GAS7: variants seen among roughly 807,000 people sequenced by gnomAD.
The protein encoded by GAS7 is growth arrest specific 7.
A neutral mutation model predicts 71.1 loss-of-function variants in GAS7; 28 were observed. The ratio of observed to expected loss-of-function variants is 0.39; its 90% CI spans 0.29 to 0.54. GAS7 has a LOEUF of 0.54. Among genes scored for constraint, GAS7 ranks in the 20% least tolerant of loss-of-function variants. The pLI, the probability that GAS7 is intolerant of heterozygous loss-of-function variation, is 0.62. For missense variants in GAS7, 436 were observed against 627.8 expected, an observed-to-expected ratio of 0.69 and a Z score of 3.27; for synonymous variants, 258 against 245.8, an observed-to-expected ratio of 1.05 and a Z score of -0.46.
intron 2 of GAS7, among the ~76,000 whole-genome samples, chr17:10,007,901 CT>C (rs146707257): frequency 0.21 from 32,169 of 151,782 alleles, 4,095 homozygotes; most frequent in African/African-American, 0.37. Context: ...TTAATTCCAG[CT>C]CCCCCCCGCA....
chr17:9,943,884 G>A (rs987704713), intron 6 of GAS7, among the ~76,000 whole-genome samples: 1 of 152,136 alleles, frequency 6.6e-6, no homozygotes, highest in Non-Finnish European at 1.5e-5. Flanking sequence ...CAAAACTGAC[G>A]AAATAACAGC....
intron 5 of GAS7, among the ~76,000 whole-genome samples, chr17:9,955,419 T>C (rs8070035): frequency 0.079 from 12,108 of 152,312 alleles, 1,600 homozygotes; most frequent in African/African-American, 0.27. Flanking sequence ...AAGCAAATAA[T>C]GTGCCAGCCA....
rs2067422599 is a variant in GAS7, at chr17:9,911,040, G to A, written c.*6188C>T. On this transcript the variant is annotated 3_prime_UTR_variant, in exon 14 of 14. Transcript: ENST00000432992. The surrounding 1 kb of genome is among the most constrained non-coding windows in gnomAD (Gnocchi z 4.0). Reference sequence around the variant, plus strand: ...TTGCCGATGTGCTCGTGTCTGTGAAGGGGTTGCTTCCGGTCATCTCCTTCC... The same window carrying A: ...TTGCCGATGTGCTCGTGTCTGTGAAAGGGTTGCTTCCGGTCATCTCCTTCC... 4.3e-6 allele frequency: 1 copy of A among 233,120 alleles called. No individual in the cohort carries two copies. Among genetic ancestry groups the A allele is most frequent in the African/African-American group, 2.2e-5 (1 of 45,322 alleles). The allele number at this position is 233,120 out of a possible 1,614,324, so 14.4% of individuals were successfully genotyped here.
intron 1 of GAS7, among the ~76,000 whole-genome samples, chr17:10,072,105 C>T (rs1185781060): frequency 6.6e-6 from 1 of 152,074 alleles, no homozygotes; most frequent in African/African-American, 2.4e-5. Flanking sequence ...ATGAGAATCA[C>T]CTGAGAGCTT....
At chr17:10,131,597 G>A (rs528671172) in intron 1 of GAS7, among the ~76,000 whole-genome samples, 2 of 152,286 alleles carry the variant, frequency 1.3e-5, no homozygotes, top group East Asian at 3.9e-4. Context: ...ACTCCAGCCT[G>A]GACAACAGAG....
At chr17:10,040,348 G>A (rs981940601) in intron 1 of GAS7, among the ~76,000 whole-genome samples, 1 of 152,154 alleles carries the variant, frequency 6.6e-6, no homozygotes, top group Non-Finnish European at 1.5e-5. Flanking sequence ...CATGGGAGGT[G>A]AGAAATATAG....
chr17:10,012,191 T>C (rs1474613477), intron 2 of GAS7, among the ~76,000 whole-genome samples: 1 of 152,206 alleles, frequency 6.6e-6, no homozygotes, highest in Non-Finnish European at 1.5e-5. Flanking sequence ...ATCCTAAACA[T>C]ATCTAAAAGG....
At chr17:9,946,625 C>T (rs561176695) in intron 6 of GAS7, among the ~76,000 whole-genome samples, 3 of 152,154 alleles carry the variant, frequency 2.0e-5, no homozygotes, top group African/African-American at 4.8e-5. Context: ...CACTGAGCAT[C>T]GGAGAAAATG....
chr17:10,158,351 A>AAAACAAC (rs1364106191), intron 1 of GAS7, among the ~76,000 whole-genome samples: 5 of 150,932 alleles, frequency 3.3e-5, no homozygotes, highest in East Asian at 2.0e-4. Context: ...AAAAAAAAAA[A>AAAACAAC]AAAAAAAAAC....
intron 1 of GAS7, among the ~76,000 whole-genome samples, chr17:10,069,526 T>TG (rs2073318401): frequency 1.3e-5 from 2 of 152,206 alleles, no homozygotes; most frequent in South Asian, 4.1e-4. Flanking sequence ...ATGACAAGCA[T>TG]GAGCTCATTT....
At chr17:10,150,873 G>A (rs890830283) in intron 1 of GAS7, among the ~76,000 whole-genome samples, 39 of 152,150 alleles carry the variant, frequency 2.6e-4, no homozygotes, top group Non-Finnish European at 4.6e-4. Flanking sequence ...ACAGGCGTGA[G>A]CCACCGCACC....
chr17:9,963,196 G>A lies in GAS7; in HGVS notation c.472-3941C>T, dbSNP rs139697244. The stretch of plus-strand genomic sequence containing the variant: ...CCATGCCGCGATGTGAATGAACCTT[G>A]GAATTCCAGGTGAAAGAGGCCAGAC... On this transcript the variant is annotated intron_variant, in intron 4 of 13. Coordinates refer to ENST00000432992, the MANE Select transcript of GAS7 (RefSeq NM_201433.2). 4.0e-3 allele frequency among the ~76,000 whole-genome samples: 603 copies of A among 152,198 alleles called. 6 individuals are homozygous for A. The highest frequency in any genetic ancestry group is 0.014 in the African/African-American group (580 of 41,516).
intron 1 of GAS7, among the ~76,000 whole-genome samples, chr17:10,081,934 G>A (rs1164070546): frequency 2.6e-5 from 4 of 152,122 alleles, no homozygotes; most frequent in Non-Finnish European, 5.9e-5. Flanking sequence ...TACCCAGGCC[G>A]GTACACGAGG....
At chr17:10,178,254 G>A (rs1288117325) in intron 1 of GAS7, among the ~76,000 whole-genome samples, 2 of 152,168 alleles carry the variant, frequency 1.3e-5, no homozygotes, top group African/African-American at 2.4e-5. Flanking sequence ...CTGGCTTCTT[G>A]GACCAGGACG....
intron 1 of GAS7, among the ~76,000 whole-genome samples, chr17:10,092,054 A>C: frequency 6.6e-6 from 1 of 152,090 alleles, no homozygotes; most frequent in East Asian, 1.9e-4. Flanking sequence ...TAGTGGCCTA[A>C]ACAGTCTCCC....
chr17:9,950,366 G>A (rs1239080759), intron 5 of GAS7, among the ~76,000 whole-genome samples: 1 of 151,990 alleles, frequency 6.6e-6, no homozygotes, highest in East Asian at 1.9e-4. Flanking sequence ...AACAAAACTA[G>A]CCAGGTATGG....
chr17:10,055,504 A>G (rs1248722777), intron 1 of GAS7, among the ~76,000 whole-genome samples: 2 of 152,186 alleles, frequency 1.3e-5, no homozygotes, highest in East Asian at 3.9e-4. Context: ...CGCACTGCAC[A>G]TCAGCTTCCC....
chr17:9,928,270 G>A (rs1301451985), intron 9 of GAS7, among the ~76,000 whole-genome samples: 7 of 144,378 alleles, frequency 4.8e-5, no homozygotes, highest in African/African-American at 1.5e-4. Flanking sequence ...CTGCCACCAC[G>A]CCCGGCTAAT....
chr17:10,001,860 C>T (rs1442172457), intron 2 of GAS7, among the ~76,000 whole-genome samples: 1 of 152,158 alleles, frequency 6.6e-6, no homozygotes, highest in African/African-American at 2.4e-5. Context: ...GAACTGCCAC[C>T]AAGACAGCTC....
Sources: gnomAD v4.1 joint callset for allele counts (sites outside exome capture counted in the v4.1 genomes callset) on GRCh38, gnomAD v4.1.1 for gene constraint, Gnocchi (gnomAD v3.1) non-coding constraint, MANE v1.5 for transcripts, NCBI Gene and HGNC (gene_info 2026-07-23, HGNC 2026-07-21) for gene names.